MRPL58: variants seen among roughly 807,000 people sequenced by gnomAD.
MRPL58 encodes the protein large ribosomal subunit protein mL62.
Under a neutral mutation model 26.0 loss-of-function variants are expected in MRPL58, and 17 were observed. The ratio of observed to expected loss-of-function variants is 0.65; its 90% CI spans 0.45 to 0.98. The LOEUF is 0.98. Among genes scored for constraint, MRPL58 ranks in the 50% least tolerant of loss-of-function variants. The pLI is 0.00. For synonymous variants in MRPL58, 100 were observed against 99.7 expected (o/e 1.00, Z -0.02); for missense variants, 250 against 269.0 (o/e 0.93, Z 0.49).
rs1441722722 is a variant in MRPL58 at position 75,012,697 on chromosome 17, C to T, written c.11C>T (p.Thr4Ile). The change falls in exon 1 of 6, where the codon ACC becomes ATC. Residue 4 changes from threonine (T) to isoleucine (I), a missense_variant. Thr to Ile is a moderately conservative substitution (Grantham distance 89). Coordinates refer to ENST00000301585, the MANE Select transcript of MRPL58 (RefSeq NM_001545.3). The stretch of plus-strand genomic sequence containing the variant: ...TCGCAAGACCTGAGCATGGCGGCCA[C>T]CAGGTGCCTGCGCTGGGGCCTGAGC... MAA[T>I]RCLRWGLSRA... The T allele has an allele frequency of 2.6e-6, 4 of 1,554,634 alleles. No individual in the cohort carries two copies. Among genetic ancestry groups the T allele is most frequent in the Admixed American group, 1.9e-5 (1 of 51,484 alleles).
intron 5 of MRPL58, 110 bp downstream of exon 5, chr17:75,020,767 G>C (rs2040011531): frequency 1.5e-6 from 2 of 1,308,836 alleles, no homozygotes; most frequent in Non-Finnish European, 2.2e-6. Context: ...AGAAACTCTA[G>C]GAAGAGGAGA....
intron 2 of MRPL58, among the ~76,000 whole-genome samples, chr17:75,018,226 G>A (rs1234438012): frequency 7.0e-6 from 1 of 142,082 alleles, no homozygotes; most frequent in Non-Finnish European, 1.5e-5. Flanking sequence ...CTATATCTCT[G>A]AAATATCTTT....
At chr17:75,013,822 G>A (rs867286111) in intron 1 of MRPL58, among the ~76,000 whole-genome samples, 1 of 152,186 alleles carries the variant, frequency 6.6e-6, no homozygotes, top group Non-Finnish European at 1.5e-5. Context: ...CAGGGGTCAG[G>A]AGACAAAGCC....
chr17:75,020,880 G>C (rs1270694510), intron 5 of MRPL58, 41 bp from the exon 6 acceptor site: 1 of 1,509,452 alleles, frequency 6.6e-7, no homozygotes, highest in Non-Finnish European at 9.2e-7. Flanking sequence ...GAAAAGCACT[G>C]ATTGGGCATC....
At chr17:75,016,885 G>A (rs986169153) in intron 1 of MRPL58, among the ~76,000 whole-genome samples, 193 bp from the exon 2 acceptor site, 3 of 152,274 alleles carry the variant, frequency 2.0e-5, no homozygotes, top group Non-Finnish European at 2.9e-5. Context: ...TCGTAGAGGA[G>A]TGTTTCTGAG....
At chr17:75,019,820 AG>A in intron 3 of MRPL58, 61 bp downstream of exon 3, 1 of 1,348,144 alleles carries the variant, frequency 7.4e-7, no homozygotes, top group East Asian at 2.4e-5. Flanking sequence ...GGGCTTGAGG[AG>A]CTCTGTGTTT....
rs370918571 is a variant in MRPL58 at position 75,020,673 on chromosome 17, C to G, written c.536+16C>G. 2.1e-5 allele frequency: 34 copies of G among 1,612,056 alleles called. No individual in the cohort carries two copies. In the African/African-American group the frequency reaches 2.4e-4, roughly 11 times the overall value. ...ATAGAATCAGGTACCAGGAAATGCC[C>G]TAAGATGCTATAAACTGATTTGTGT... On this transcript the variant is annotated intron_variant, in intron 5 of 5. Transcript: ENST00000301585.
At chr17:75,015,476 C>T (rs1386965710) in intron 1 of MRPL58, among the ~76,000 whole-genome samples, 1 of 152,156 alleles carries the variant, frequency 6.6e-6, no homozygotes, top group Non-Finnish European at 1.5e-5. Flanking sequence ...AACCTTAAGA[C>T]TCCATCTCAA....
At chr17:75,016,441 G>C (rs1257357183) in intron 1 of MRPL58, among the ~76,000 whole-genome samples, 1 of 152,002 alleles carries the variant, frequency 6.6e-6, no homozygotes, top group African/African-American at 2.4e-5. Flanking sequence ...GAAGGCAGTC[G>C]GGAGTGCACC....
chr17:75,013,909 AC>A (rs1377475247), intron 1 of MRPL58, among the ~76,000 whole-genome samples: 3 of 152,096 alleles, frequency 2.0e-5, no homozygotes, highest in Non-Finnish European at 4.4e-5. Context: ...CGCAAGGGAG[AC>A]CTATTGGAGA....
chr17:75,020,571 C>T lies in MRPL58; in HGVS notation c.450C>T (p.Cys150=). 2 of 1,614,100 alleles carry T rather than the reference C, an allele frequency of 1.2e-6. No individual in the cohort carries two copies. Among genetic ancestry groups the T allele is most frequent in the Non-Finnish European group, 1.7e-6 (2 of 1,180,004 alleles). ...ATCAGTTCCGGAATCTGGCAGATTG[C>T]CTGCAGAAAATTCGAGACATGATCA... is the stretch of plus-strand genomic sequence containing the variant. The part of the protein sequence containing the change: ...SRYQFRNLAD[C]LQKIRDMITE... The change falls in exon 5 of 6, where the codon TGC becomes TGT. Residue 150 remains cysteine, a synonymous_variant. Transcript: ENST00000301585.
Position 75,012,874 on chromosome 17 carries a change from T to C in MRPL58, c.186+2T>C. The C allele has an allele frequency of 2.5e-6, 4 of 1,605,448 alleles. No individual in the cohort carries two copies. The highest frequency in any genetic ancestry group is 2.5e-6 in the Non-Finnish European group (3 of 1,177,034). ...TCGGACACCGCCTGGAGGGTCCCGGTGAGCCGGGAAGGACTGGACGGAAGG... is the reference window on the plus strand; with the variant it reads ...TCGGACACCGCCTGGAGGGTCCCGGCGAGCCGGGAAGGACTGGACGGAAGG... On this transcript the variant is annotated splice_donor_variant, in intron 1 of 5. Transcript: ENST00000301585. LOFTEE classifies it high-confidence loss of function.
At chr17:75,016,940 A>G in intron 1 of MRPL58, 138 bp from the exon 2 acceptor site, 1 of 725,794 alleles carries the variant, frequency 1.4e-6, no homozygotes, top group East Asian at 2.6e-5. Context: ...TCATCGTGAT[A>G]TCATTTTGCA....
At position 75,021,224 on chromosome 17, in the gene MRPL58, G is replaced by A. The variant is rs2040015811; in HGVS notation, c.*219G>A. ...CACCATGTTGTCAAACCTTAATAAT[G>A]CACCTCATGTATTAGTCACAATAAA... is the stretch of plus-strand genomic sequence containing the variant. On this transcript the variant is annotated 3_prime_UTR_variant, in exon 6 of 6. Coordinates refer to ENST00000301585, the MANE Select transcript of MRPL58 (RefSeq NM_001545.3). 1.8e-6 allele frequency: 1 copy of A among 556,530 alleles called. No homozygotes were observed. The highest frequency in any genetic ancestry group is 3.3e-6 in the Non-Finnish European group (1 of 306,626). The allele number at this position is 556,530 out of a possible 1,614,324, so 34.5% of individuals were successfully genotyped here.
At chr17:75,020,233 G>T in intron 3 of MRPL58, 80 bp from the exon 4 acceptor site, 1 of 1,102,690 alleles carries the variant, frequency 9.1e-7, no homozygotes, top group Non-Finnish European at 1.4e-6. Context: ...CTTTATTTCA[G>T]AATGGTCACT....
chr17:75,013,024 C>G (rs1341927155), intron 1 of MRPL58, 152 bp downstream of exon 1: 3 of 696,080 alleles, frequency 4.3e-6, no homozygotes, highest in Admixed American at 6.7e-5. Context: ...CTAACCTGGC[C>G]GGGAGTGGGG....
Position 75,019,711 on chromosome 17 carries a change from A to G in MRPL58, c.235A>G (p.Ile79Val), listed in dbSNP as rs772439971. The change falls in exon 3 of 6, where the codon ATA becomes GTA. Residue 79 changes from isoleucine to valine, a missense_variant. Physicochemically the swap from Ile to Val is conservative, Grantham distance 29. Coordinates refer to ENST00000301585, the MANE Select transcript of MRPL58 (RefSeq NM_001545.3). The stretch of plus-strand genomic sequence containing the variant: ...CTTCTGTTTTACAGATCGCTTGACA[A>G]TATCTTATTGTCGGAGTAGTGGTCC... The part of the protein sequence containing the change: ...DSDIPLDRLT[I>V]SYCRSSGPGG... 27 of 1,612,802 alleles carry G rather than the reference A, an allele frequency of 1.7e-5. No individual in the cohort carries two copies. The highest frequency in any genetic ancestry group is 8.3e-5 in the Admixed American group (5 of 59,950).
Position 75,021,007 on chromosome 17 carries a change from A to C in MRPL58, c.*2A>C. 6.2e-7 allele frequency: 1 copy of C among 1,609,236 alleles called. No homozygotes were observed. Among genetic ancestry groups the C allele is most frequent in the East Asian group, 2.2e-5 (1 of 44,854 alleles). Reference sequence around the variant, plus strand: ...AGCAGGAGGGTCGACATGGACTGAAATCACCCTCTGCAGCTGGGAGGGCTC... The same window carrying C: ...AGCAGGAGGGTCGACATGGACTGAACTCACCCTCTGCAGCTGGGAGGGCTC... On this transcript the variant is annotated 3_prime_UTR_variant, in exon 6 of 6. Transcript: ENST00000301585.
intron 1 of MRPL58, among the ~76,000 whole-genome samples, chr17:75,015,671 A>T (rs2039967844): frequency 6.6e-6 from 1 of 152,196 alleles, no homozygotes; most frequent in African/African-American, 2.4e-5. Flanking sequence ...CAGAAGGAAC[A>T]TGCTTCAGGA....
Sources: gnomAD v4.1 joint callset for allele counts (sites outside exome capture counted in the v4.1 genomes callset) on GRCh38, gnomAD v4.1.1 for gene constraint, MANE v1.5 for transcripts, NCBI Gene and HGNC (gene_info 2026-07-23, HGNC 2026-07-21) for gene names.